The following IFITM10 variants were observed in gnomAD, a reference collection of about 807,000 sequenced individuals.
IFITM10 encodes interferon induced transmembrane protein 10.
Under a neutral mutation model 19.0 loss-of-function variants are expected in IFITM10, and 17 were observed. The observed-to-expected ratio is 0.90, with a 90% CI of 0.61 to 1.34. The LOEUF is 1.34. Ranked by LOEUF, IFITM10 falls within the 40% of genes most tolerant of loss-of-function variation. The probability of loss-of-function intolerance (pLI) is 0.00; values close to 1 mark genes in which losing one functional copy is unlikely to be tolerated. For missense variants in IFITM10, 306 were observed against 319.8 expected, an observed-to-expected ratio of 0.96 and a Z score of 0.33; for synonymous variants, 148 against 147.2, an observed-to-expected ratio of 1.01 and a Z score of -0.04.
intron 1 of IFITM10, 23 bp downstream of exon 1, chr11:1,750,336 T>C: frequency 6.5e-7 from 1 of 1,550,368 alleles, no homozygotes; most frequent in Non-Finnish European, 8.7e-7. Context: ...GCAGGTTCCC[T>C]GAGCTGGGTC....
At chr11:1,745,495 C>G (rs1003563178) in intron 2 of IFITM10, 42 of 152,716 alleles carry the variant, frequency 2.8e-4, no homozygotes, top group Non-Finnish European at 4.4e-5. Flanking sequence ...CACACACACA[C>G]GCAGGAATAC....
At position 1,735,185 on chromosome 11, in the gene IFITM10, C is replaced by G; in HGVS notation, c.*95G>C. 1 of 1,388,578 alleles carries G rather than the reference C, an allele frequency of 7.2e-7. No homozygotes were observed. The highest frequency in any genetic ancestry group is 9.8e-7 in the Non-Finnish European group (1 of 1,022,192). The allele number at this position is 1,388,578 out of a possible 1,614,324, so 86.0% of individuals were successfully genotyped here. A position where few individuals can be genotyped will look rare whatever the true frequency, so the allele number is the denominator to read the frequency against. The stretch of plus-strand genomic sequence containing the variant: ...GGGGGCCCCAGGACAAGAAGCCCTG[C>G]CCTGCCCCAACCTCATGGGATCCTG... On this transcript the variant is annotated 3_prime_UTR_variant, in exon 3 of 3. Coordinates refer to ENST00000340134, the MANE Select transcript of IFITM10 (RefSeq NM_001170820.4).
rs1431801772 is a variant in IFITM10, at chr11:1,743,481, TATGGATGGATGGACAGATGGAGA to T, written c.537+4163_537+4185del. ...AATGGAGGATGGATGGATGGATGCA[TATGGATGGATGGACAGATGGAGA>T]ATGGATGGATGGAAGATGGATGAAT... On this transcript the variant is annotated intron_variant, in intron 2 of 2. Transcript: ENST00000340134. 6.1e-5 allele frequency among the ~76,000 whole-genome samples: 9 copies of T among 147,062 alleles called. No homozygotes were observed. The East Asian group carries it at 1.0e-3, about 17-fold the overall frequency.
At chr11:1,742,491 C>A (rs113162108) in intron 2 of IFITM10, among the ~76,000 whole-genome samples, 1 of 152,020 alleles carries the variant, frequency 6.6e-6, no homozygotes, top group Non-Finnish European at 1.5e-5. Context: ...AGCTGAGGCA[C>A]GCTGAGTATG....
At chr11:1,740,595 A>G (rs148794583) in intron 2 of IFITM10, among the ~76,000 whole-genome samples, 50 of 152,318 alleles carry the variant, frequency 3.3e-4, no homozygotes, top group African/African-American at 1.2e-3. Flanking sequence ...TAGCAGTTCA[A>G]TTTCTGACAT....
chr11:1,747,572 G>C (rs1845665341), intron 2 of IFITM10, 95 bp downstream of exon 2: 1 of 1,111,610 alleles, frequency 9.0e-7, no homozygotes, highest in African/African-American at 1.6e-5. Flanking sequence ...GTGCTCCCCT[G>C]AGAGGGAGAG....
At chr11:1,746,844 C>T in intron 2 of IFITM10, 1 of 398,636 alleles carries the variant, frequency 2.5e-6, no homozygotes, top group Non-Finnish European at 4.4e-6. Context: ...CAAGCCCTTC[C>T]TTCCGGTGCG....
In IFITM10 at chr11:1,737,536, C is replaced by T. The variant is rs543642137; in HGVS notation, c.538-2107G>A. ...TTCCTCATCTGTAACATGAAGATGA[C>T]GACAGCGCTGCCTCCCAGGGTTGTG... On this transcript the variant is annotated intron_variant, in intron 2 of 2. Coordinates refer to ENST00000340134, the MANE Select transcript of IFITM10 (RefSeq NM_001170820.4). Among the ~76,000 whole-genome samples the T allele has an allele frequency of 4.5e-4, 68 of 152,308 alleles. 1 individual carries two copies. The South Asian group carries it at 7.0e-3, about 16-fold the overall frequency.
In IFITM10 at chr11:1,735,263, G is replaced by A; in HGVS notation, c.*17C>T. 1 of 1,550,802 alleles carries A rather than the reference G, an allele frequency of 6.4e-7. No homozygotes were observed. ...GTCTCAGTGCTTGTCTCCGCCAGCAGCCGTGCCTGGCGGGCCTTAGTAGTC... is the reference window on the plus strand; with the variant it reads ...GTCTCAGTGCTTGTCTCCGCCAGCAACCGTGCCTGGCGGGCCTTAGTAGTC... On this transcript the variant is annotated 3_prime_UTR_variant, in exon 3 of 3. Coordinates refer to ENST00000340134, the MANE Select transcript of IFITM10 (RefSeq NM_001170820.4).
At chr11:1,735,795 G>A (rs953258256) in intron 2 of IFITM10, among the ~76,000 whole-genome samples, 4 of 152,188 alleles carry the variant, frequency 2.6e-5, no homozygotes, top group South Asian at 2.1e-4. Context: ...AGTTTTAAAT[G>A]ATTAAAATAA....
Position 1,740,299 on chromosome 11 carries a change from C to CAAAAAAAAA in IFITM10, c.538-4879_538-4871dup, listed in dbSNP as rs58480346. Among the ~76,000 whole-genome samples, 25 of 40,970 alleles carry CAAAAAAAAA rather than the reference C, an allele frequency of 6.1e-4. 1 individual carries two copies. Among genetic ancestry groups the CAAAAAAAAA allele is most frequent in the South Asian group, 1.3e-3 (1 of 744 alleles). 26.9% of individuals were successfully genotyped at this position (40,970 alleles called of 152,430 possible). ...TGGGCAACAGAGCAAGACTCCATCT[C>CAAAAAAAAA]AAAAAAAAAAAAAAAAAAAAAAAAA... is the stretch of plus-strand genomic sequence containing the variant. On this transcript the variant is annotated intron_variant, in intron 2 of 2. Transcript: ENST00000340134.
At chr11:1,745,635 C>T (rs11820235) in intron 2 of IFITM10, 1 of 152,470 alleles carries the variant, frequency 6.6e-6, no homozygotes, top group African/African-American at 2.4e-5. Flanking sequence ...CTCACACACA[C>T]TTGTGCACAC....
chr11:1,740,006 G>C (rs1851128657), intron 2 of IFITM10, among the ~76,000 whole-genome samples: 1 of 152,098 alleles, frequency 6.6e-6, no homozygotes, highest in Admixed American at 6.6e-5. Flanking sequence ...CGCTGTGTAA[G>C]AACAGATGGC....
At chr11:1,750,259 A>G (rs1845701870) in intron 1 of IFITM10, 100 bp downstream of exon 1, 3 of 1,542,268 alleles carry the variant, frequency 1.9e-6, no homozygotes, top group South Asian at 1.2e-5. Flanking sequence ...AACAGTCCCC[A>G]TGAGTTCCTC....
intron 1 of IFITM10, 60 bp from the exon 2 acceptor site, chr11:1,748,179 C>T (rs997210307): frequency 1.7e-6 from 2 of 1,190,036 alleles, no homozygotes; most frequent in African/African-American, 1.6e-5. Context: ...CCCACCCTCA[C>T]GCCCAGCAGC....
rs1301625202 is a variant in IFITM10, at chr11:1,747,694, G to A, written c.510C>T (p.Gly170=). The A allele has an allele frequency of 6.4e-7, 1 of 1,551,682 alleles. No individual in the cohort carries two copies. Among genetic ancestry groups the A allele is most frequent in the Non-Finnish European group, 8.7e-7 (1 of 1,146,986 alleles). ...TGAGGGAGTAGGCCAAGGCGATGAA[G>A]CCCAGGCAGCAGAAGTTGAGGTAGA... ...NFVYLNFCCL[G]FIALAYSLKV... The change falls in exon 2 of 3, where the codon GGC becomes GGT. Residue 170 remains glycine, a synonymous_variant. Coordinates refer to ENST00000340134, the MANE Select transcript of IFITM10 (RefSeq NM_001170820.4).
At chr11:1,748,462 A>C in intron 1 of IFITM10, 14 of 265,008 alleles carry the variant, frequency 5.3e-5, no homozygotes, top group Non-Finnish European at 7.1e-5. Context: ...CAGCACCCCA[A>C]ACAACCCCGC....
chr11:1,750,432 C>T lies in IFITM10; in HGVS notation c.11G>A (p.Gly4Glu). MRE[G>E]KRGPPCILSF... ...GAGGATGCATGGCGGCCCCCGTTTT[C>T]CCTCCCTCATCTCTCTCCAAGCCCC... Residue 4 changes from glycine (G) to glutamate (E), a missense_variant, in exon 1 of 3, where the codon GGA (glycine) becomes GAA (glutamate). Coordinates refer to ENST00000340134, the MANE Select transcript of IFITM10 (RefSeq NM_001170820.4). The T allele has an allele frequency of 6.7e-7, 1 of 1,483,044 alleles. No individual in the cohort carries two copies. The highest frequency in any genetic ancestry group is 1.2e-5 in the South Asian group (1 of 82,718). The allele number at this position is 1,483,044 out of a possible 1,614,324, so 91.9% of individuals were successfully genotyped here.
At chr11:1,740,240 C>A (rs1367574510) in intron 2 of IFITM10, among the ~76,000 whole-genome samples, 1 of 135,024 alleles carries the variant, frequency 7.4e-6, no homozygotes, top group Non-Finnish European at 1.5e-5. Flanking sequence ...GCGTAGGTTG[C>A]AGTGAGCCAA....
Sources: allele counts gnomAD v4.1 joint callset (sites outside exome capture counted in the v4.1 genomes callset), GRCh38; gene constraint gnomAD v4.1.1; transcripts MANE v1.5; gene names NCBI Gene and HGNC (gene_info 2026-07-23, HGNC 2026-07-21).